Variants in SLC6A5 observed in about 807,000 individuals in gnomAD.
The protein encoded by SLC6A5 is solute carrier family 6 member 5.
In SLC6A5, 58 loss-of-function variants were observed where a neutral mutation model predicts 90.5. The observed-to-expected ratio is 0.64, with a 90% CI of 0.52 to 0.80. The LOEUF (loss-of-function observed/expected upper bound fraction) is 0.80. Ranked by LOEUF, SLC6A5 falls within the 30% of genes least tolerant of loss-of-function variation. SLC6A5 has a pLI of 0.00. For synonymous variants in SLC6A5, 427 were observed against 401.4 expected, an observed-to-expected ratio of 1.06 and a Z score of -0.76; for missense variants, 1,015 against 1,017.6, an observed-to-expected ratio of 1.00 and a Z score of 0.03.
chr11:20,610,789 G>A (rs1164100205), intron 5 of SLC6A5, among the ~76,000 whole-genome samples: 4 of 152,140 alleles, frequency 2.6e-5, no homozygotes, highest in African/African-American at 9.7e-5. Context: ...ATTTTGCAGG[G>A]GACATTTGGC....
At chr11:20,641,680 C>T (rs1853317404) in intron 13 of SLC6A5, among the ~76,000 whole-genome samples, 1 of 152,116 alleles carries the variant, frequency 6.6e-6, no homozygotes, top group Admixed American at 6.6e-5. Context: ...TTCTGGTACT[C>T]AGTAAATTTT....
At chr11:20,638,019 T>C (rs1853242229) in intron 12 of SLC6A5, among the ~76,000 whole-genome samples, 1 of 152,132 alleles carries the variant, frequency 6.6e-6, no homozygotes. Context: ...GACTTAAAGA[T>C]TGAGGTAGAG....
rs1339768471 is a variant in SLC6A5, at chr11:20,650,689, T to C, written c.2071-1600T>C. Among the ~76,000 whole-genome samples the C allele has an allele frequency of 2.5e-3, 295 of 117,966 alleles. 1 individual carries two copies. The highest frequency in any genetic ancestry group is 8.7e-3 in the African/African-American group (275 of 31,548). 77.4% of individuals were successfully genotyped at this position (117,966 alleles called of 152,430 possible). A position where few individuals can be genotyped will look rare whatever the true frequency, so the allele number is the denominator to read the frequency against. ...TTTTTTTTTTTTTTTTTTTTTGAGA[T>C]GGAGTCTCGCTCTGTCGCCCAGGCT... On this transcript the variant is annotated intron_variant, in intron 14 of 15. Coordinates refer to ENST00000525748, the MANE Select transcript of SLC6A5 (RefSeq NM_004211.5).
chr11:20,643,348 TA>T (rs1853350585), intron 13 of SLC6A5, among the ~76,000 whole-genome samples: 1 of 152,126 alleles, frequency 6.6e-6, no homozygotes, highest in Non-Finnish European at 1.5e-5. Flanking sequence ...TCAGAAGGCC[TA>T]GTGATCAGAG....
At chr11:20,606,979 G>A in intron 3 of SLC6A5, 28 bp from the exon 4 acceptor site, 1 of 1,613,982 alleles carries the variant, frequency 6.2e-7, no homozygotes, top group South Asian at 1.1e-5. Flanking sequence ...TGCCTCCTAG[G>A]GCTCTCACTC....
At chr11:20,604,593 C>T (rs891946137) in intron 3 of SLC6A5, among the ~76,000 whole-genome samples, 169 bp downstream of exon 3, 3 of 152,228 alleles carry the variant, frequency 2.0e-5, no homozygotes, top group Non-Finnish European at 4.4e-5. Flanking sequence ...AGGGCGGGGG[C>T]GACCATAATC....
At chr11:20,602,691 GCACACA>G (rs3045384) in intron 2 of SLC6A5, among the ~76,000 whole-genome samples, 2 of 150,592 alleles carry the variant, frequency 1.3e-5, no homozygotes, top group African/African-American at 4.8e-5. Flanking sequence ...TTTAGTGTTT[GCACACA>G]CACACACACA....
chr11:20,599,719 G>A (rs997263709), intron 1 of SLC6A5, 44 bp downstream of exon 1: 9 of 1,613,162 alleles, frequency 5.6e-6, no homozygotes, highest in Non-Finnish European at 7.6e-6. Context: ...GGGGGCTGAG[G>A]GGACAGGGAA....
intron 1 of SLC6A5, among the ~76,000 whole-genome samples, chr11:20,600,402 GAAGAAGAAGAC>G (rs1852445045): frequency 2.9e-5 from 4 of 138,394 alleles, no homozygotes; most frequent in African/African-American, 5.2e-5. Flanking sequence ...AGAAGAAGAA[GAAGAAGAAGAC>G]CTAAACAAAA....
intron 7 of SLC6A5, among the ~76,000 whole-genome samples, chr11:20,619,216 G>A (rs1037417095): frequency 6.6e-6 from 1 of 152,160 alleles, no homozygotes; most frequent in Admixed American, 6.5e-5. Flanking sequence ...GAAAGGTTGG[G>A]TCTCATCGGG....
At chr11:20,635,719 A>G (rs1853192015) in intron 10 of SLC6A5, among the ~76,000 whole-genome samples, 2 of 152,174 alleles carry the variant, frequency 1.3e-5, no homozygotes, top group African/African-American at 4.8e-5. Flanking sequence ...TAGAGCGGGG[A>G]TTCTCAAACC....
At chr11:20,611,782 AC>A (rs1590159768) in intron 5 of SLC6A5, among the ~76,000 whole-genome samples, 1 of 140,364 alleles carries the variant, frequency 7.1e-6, no homozygotes, top group African/African-American at 2.6e-5. Flanking sequence ...AAAAAAAAAA[AC>A]AAGGTGTCAA....
intron 13 of SLC6A5, among the ~76,000 whole-genome samples, chr11:20,638,979 G>C (rs879757907): frequency 1.3e-5 from 2 of 152,136 alleles, no homozygotes; most frequent in African/African-American, 4.8e-5. Context: ...ACTGTAGTGA[G>C]AACAGAGACC....
At chr11:20,617,719 A>T (rs375072283) in intron 6 of SLC6A5, 33 bp from the exon 7 acceptor site, 322 of 1,603,694 alleles carry the variant, frequency 2.0e-4, no homozygotes, top group Non-Finnish European at 2.6e-4. Flanking sequence ...CCTTCTTTCT[A>T]TCACTCCCCC....
Position 20,656,311 on chromosome 11 carries a change from G to A in SLC6A5, c.*1443G>A. 1 of 151,988 alleles carries A rather than the reference G, an allele frequency of 6.6e-6. No homozygotes were observed. Among genetic ancestry groups the A allele is most frequent in the East Asian group, 1.9e-4 (1 of 5,182 alleles). The allele number at this position is 151,988 out of a possible 1,614,324, so 9.4% of individuals were successfully genotyped here. A position where few individuals can be genotyped will look rare whatever the true frequency, so the allele number is the denominator to read the frequency against. On this transcript the variant is annotated 3_prime_UTR_variant, in exon 16 of 16. Transcript: ENST00000525748. ...GTGAGTTTAGTATAGTGTAGTCTGGGGATTTTATTTTCCCTTACAGTAATA... is the reference window on the plus strand; with the variant it reads ...GTGAGTTTAGTATAGTGTAGTCTGGAGATTTTATTTTCCCTTACAGTAATA...
intron 1 of SLC6A5, among the ~76,000 whole-genome samples, chr11:20,600,709 G>A (rs568069829): frequency 1.3e-5 from 2 of 152,320 alleles, no homozygotes; most frequent in African/African-American, 4.8e-5. Context: ...GAAAAAGGCA[G>A]TGTGCATTGT....
At chr11:20,624,164 T>TA (rs1209670202) in intron 7 of SLC6A5, among the ~76,000 whole-genome samples, 42 of 148,654 alleles carry the variant, frequency 2.8e-4, no homozygotes, top group East Asian at 1.6e-3. Flanking sequence ...TATATATATA[T>TA]TTTTTTTGAG....
chr11:20,611,490 C>T (rs2133780584), intron 5 of SLC6A5, among the ~76,000 whole-genome samples: 1 of 152,286 alleles, frequency 6.6e-6, no homozygotes, highest in East Asian at 1.9e-4. Flanking sequence ...AAGGTTCCCA[C>T]AGAGGAACTG....
At chr11:20,606,498 T>A (rs1449436034) in intron 3 of SLC6A5, among the ~76,000 whole-genome samples, 1 of 152,064 alleles carries the variant, frequency 6.6e-6, no homozygotes, top group Non-Finnish European at 1.5e-5. Context: ...TATTCCCCAA[T>A]GGCTGTCTGG....
Sources: gnomAD v4.1 joint callset for allele counts (sites outside exome capture counted in the v4.1 genomes callset) on GRCh38, gnomAD v4.1.1 for gene constraint, MANE v1.5 for transcripts, NCBI Gene and HGNC (gene_info 2026-07-23, HGNC 2026-07-21) for gene names.